Variants in HACE1 observed in about 807,000 individuals in gnomAD.
The protein encoded by HACE1 is E3 ubiquitin-protein ligase HACE1.
HACE1 carries 73 observed loss-of-function variants against 118.4 expected under a neutral mutation model. That is an observed-to-expected ratio of 0.62 (90% CI 0.51 to 0.75). The LOEUF (loss-of-function observed/expected upper bound fraction) is 0.75, where lower values mean the gene tolerates loss of function less well. HACE1 is among the 30% of genes least tolerant of loss of function. HACE1 has a pLI of 0.00. For synonymous variants in HACE1, 368 were observed against 374.8 expected (o/e 0.98, Z 0.21); for missense variants, 749 against 1,102.2 (o/e 0.68, Z 4.54).
Position 104,785,159 on chromosome 6 carries a change from C to T in HACE1, c.1235G>A (p.Gly412Glu). The part of the protein sequence containing the change: ...AASIPPFEPP[G>E]PGSYENLSTG... ...GGACAGATTTTCATAGCTCCCAGGT[C>T]CTGGAGGTTCAAATGGAGGAATGGA... The change falls in exon 12 of 24, where the codon GGA (glycine) becomes GAA (glutamate). Residue 412 changes from glycine (G) to glutamate (E), a missense_variant. By Grantham distance (98) the Gly-to-Glu change is moderately conservative. Coordinates refer to ENST00000262903, the MANE Select transcript of HACE1 (RefSeq NM_020771.4). 1 of 1,613,966 alleles carries T rather than the reference C, an allele frequency of 6.2e-7. No individual in the cohort carries two copies. The highest frequency in any genetic ancestry group is 1.1e-5 in the South Asian group (1 of 91,072).
At chr6:104,815,731 C>T (rs886221934) in intron 6 of HACE1, among the ~76,000 whole-genome samples, 1 of 138,416 alleles carries the variant, frequency 7.2e-6, no homozygotes, top group East Asian at 2.1e-4. Context: ...AAAGCATTCA[C>T]TTACATGCAT....
At chr6:104,808,747 A>T (rs1440858832) in intron 7 of HACE1, among the ~76,000 whole-genome samples, 1 of 152,162 alleles carries the variant, frequency 6.6e-6, no homozygotes, top group Admixed American at 6.5e-5. Context: ...CATTTATCAG[A>T]AATAACACAT....
chr6:104,775,331 C>A (rs1261599231), intron 17 of HACE1, among the ~76,000 whole-genome samples: 1 of 151,926 alleles, frequency 6.6e-6, no homozygotes, highest in East Asian at 1.9e-4. Flanking sequence ...CTGCAGTGAT[C>A]CAAGATTGCG....
chr6:104,766,171 C>T (rs1779994539), intron 19 of HACE1, among the ~76,000 whole-genome samples: 1 of 152,180 alleles, frequency 6.6e-6, no homozygotes, highest in Admixed American at 6.5e-5. Context: ...AGTGGGGAAC[C>T]TGCTCTTGGC....
At chr6:104,742,975 T>C (rs1459046958) in intron 22 of HACE1, among the ~76,000 whole-genome samples, 1 of 151,982 alleles carries the variant, frequency 6.6e-6, no homozygotes, top group African/African-American at 2.4e-5. Context: ...TGGAATACTA[T>C]GCAGCCATAA....
chr6:104,798,067 TC>T (rs1769877777), intron 7 of HACE1, among the ~76,000 whole-genome samples: 1 of 83,310 alleles, frequency 1.2e-5, no homozygotes, highest in Admixed American at 1.3e-4. Flanking sequence ...AAACCCCGTC[TC>T]GAAAAAAAAA....
chr6:104,795,163 G>A (rs1783480988), intron 10 of HACE1, among the ~76,000 whole-genome samples: 1 of 151,974 alleles, frequency 6.6e-6, no homozygotes, highest in African/African-American at 2.4e-5. Flanking sequence ...TTAACTGAGG[G>A]GGACAGGTCA....
At chr6:104,745,973 A>T (rs995256763) in intron 20 of HACE1, among the ~76,000 whole-genome samples, 3 of 152,140 alleles carry the variant, frequency 2.0e-5, no homozygotes, top group Admixed American at 6.5e-5. Flanking sequence ...CAAACAACAT[A>T]CCAAAACAGA....
intron 5 of HACE1, among the ~76,000 whole-genome samples, chr6:104,839,909 G>C (rs1209542705): frequency 6.6e-6 from 1 of 152,164 alleles, no homozygotes; most frequent in Non-Finnish European, 1.5e-5. Context: ...GGGAGACTGA[G>C]GCAGGAGAAT....
chr6:104,839,618 T>C (rs750735655), intron 5 of HACE1, among the ~76,000 whole-genome samples: 7 of 152,194 alleles, frequency 4.6e-5, no homozygotes, highest in Non-Finnish European at 8.8e-5. Flanking sequence ...AAACCTACCA[T>C]GTACACAGGT....
At chr6:104,849,751 C>T (rs529649110) in intron 3 of HACE1, among the ~76,000 whole-genome samples, 2 of 151,812 alleles carry the variant, frequency 1.3e-5, no homozygotes, top group South Asian at 4.2e-4. Flanking sequence ...CGGGTTCACG[C>T]CATTCTCCTG....
Position 104,785,075 on chromosome 6 carries a change from T to C in HACE1, c.1319A>G (p.Asp440Gly). 1 of 1,613,814 alleles carries C rather than the reference T, an allele frequency of 6.2e-7. No individual in the cohort carries two copies. Among genetic ancestry groups the C allele is most frequent in the Non-Finnish European group, 8.5e-7 (1 of 1,179,886 alleles). ...ALAGRQEASADCQDVISMTAN... is the reference protein window; with the variant it reads ...ALAGRQEASAGCQDVISMTAN... ...TGTCATAGAAATAACATCCTGACAA[T>C]CTGCACTGGCTTCCTGTCTCCCTGC... The change falls in exon 12 of 24, where the codon GAT becomes GGT. Residue 440 changes from aspartate (D) to glycine (G), a missense_variant. By Grantham distance (94) the Asp-to-Gly change is moderately conservative. Transcript: ENST00000262903.
intron 19 of HACE1, among the ~76,000 whole-genome samples, chr6:104,756,930 C>A (rs1337568912): frequency 6.6e-6 from 1 of 152,208 alleles, no homozygotes; most frequent in African/African-American, 2.4e-5. Context: ...GCCCATGGAG[C>A]CTTGCTTGCT....
At chr6:104,792,706 C>T (rs60274590) in intron 10 of HACE1, among the ~76,000 whole-genome samples, 5,126 of 152,250 alleles carry the variant, frequency 0.034, 273 homozygotes, top group African/African-American at 0.12. Context: ...ATGCAGGATG[C>T]TGGCAAACTG....
At chr6:104,776,335 T>G (rs1781224453) in intron 17 of HACE1, among the ~76,000 whole-genome samples, 1 of 152,252 alleles carries the variant, frequency 6.6e-6, no homozygotes, top group Admixed American at 6.5e-5. Flanking sequence ...TAGGGACTTT[T>G]ATTTGTTTAA....
intron 17 of HACE1, among the ~76,000 whole-genome samples, chr6:104,774,830 C>T (rs1423531603): frequency 6.6e-6 from 1 of 152,204 alleles, no homozygotes; most frequent in Non-Finnish European, 1.5e-5. Context: ...TATTTCACTA[C>T]AGTAAGCATC....
intron 6 of HACE1, among the ~76,000 whole-genome samples, chr6:104,821,027 T>C (rs543827908): frequency 6.6e-6 from 1 of 152,232 alleles, no homozygotes; most frequent in South Asian, 2.1e-4. Flanking sequence ...AACGTGACAA[T>C]GTCCTTTTCA....
intron 6 of HACE1, among the ~76,000 whole-genome samples, chr6:104,829,829 T>C (rs953401967): frequency 6.6e-6 from 1 of 152,144 alleles, no homozygotes; most frequent in Non-Finnish European, 1.5e-5. Context: ...GAGAATACAA[T>C]TGTTCAAAGG....
chr6:104,799,004 A>G (rs1770000003), intron 7 of HACE1, among the ~76,000 whole-genome samples: 1 of 152,206 alleles, frequency 6.6e-6, no homozygotes, highest in African/African-American at 2.4e-5. Context: ...CATTCAATGA[A>G]TTGTATTATA....
Sources: gnomAD v4.1 joint callset for allele counts (sites outside exome capture counted in the v4.1 genomes callset) on GRCh38, gnomAD v4.1.1 for gene constraint, MANE v1.5 for transcripts, NCBI Gene and HGNC (gene_info 2026-07-23, HGNC 2026-07-21) for gene names.